CACNA1C: variants seen among roughly 807,000 people sequenced by gnomAD.
The protein encoded by CACNA1C is calcium voltage-gated channel subunit alpha1 C.
CACNA1C carries 30 observed loss-of-function variants against 229.0 expected under a neutral mutation model. The observed-to-expected ratio is 0.13, with a 90% CI of 0.10 to 0.18. The LOEUF is 0.18. Among genes scored for constraint, CACNA1C ranks in the 10% least tolerant of loss-of-function variants. The pLI is 1.00. For missense variants in CACNA1C, 1,658 were observed against 2,845.0 expected, an observed-to-expected ratio of 0.58 and a Z score of 9.49; for synonymous variants, 1,114 against 1,132.5, an observed-to-expected ratio of 0.98 and a Z score of 0.33.
intron 1 of CACNA1C, among the ~76,000 whole-genome samples, chr12:2,057,533 C>T (rs2055589760): frequency 6.6e-6 from 1 of 152,080 alleles, no homozygotes; most frequent in Non-Finnish European, 1.5e-5. Context: ...CACAGGTAAC[C>T]CAAAAGACCA....
intron 1 of CACNA1C, among the ~76,000 whole-genome samples, chr12:1,978,318 G>C (rs1453821471): frequency 1.3e-5 from 2 of 152,104 alleles, no homozygotes; most frequent in Non-Finnish European, 2.9e-5. Context: ...ATGTGTTTTA[G>C]AACAAGGACT....
intron 3 of CACNA1C, among the ~76,000 whole-genome samples, chr12:2,194,042 G>T (rs926505534): frequency 6.6e-6 from 1 of 152,114 alleles, no homozygotes; most frequent in Admixed American, 6.5e-5. Context: ...ACCCCAGGCA[G>T]TAAGAGGCTT....
In CACNA1C at chr12:2,651,191, G is replaced by T. The variant is rs530091800; in HGVS notation, c.3946-449G>T. The T allele has an allele frequency of 5.8e-6, 1 of 172,126 alleles. No homozygotes were observed. The highest frequency in any genetic ancestry group is 1.2e-5 in the Non-Finnish European group (1 of 81,708). 10.7% of individuals were successfully genotyped at this position (172,126 alleles called of 1,614,324 possible). ...CCACCAACCCACATCCTCGGAGAGT[G>T]CTGGGCTCCACTTAGGACACAGGAC... On this transcript the variant is annotated intron_variant, in intron 31 of 46. Transcript: ENST00000399655. This position sits in a 1 kb window ranked among gnomAD's most constrained non-coding sequence, Gnocchi z 5.4.
intron 5 of CACNA1C, 109 bp downstream of exon 5, chr12:2,457,815 G>A (rs954515078): frequency 2.9e-6 from 3 of 1,033,806 alleles, no homozygotes; most frequent in Non-Finnish European, 3.9e-6. Context: ...CATATAAATG[G>A]AGGGGTTTTT....
chr12:2,582,805 G>A lies in CACNA1C; in HGVS notation c.2104-17G>A. 1 of 1,613,258 alleles carries A rather than the reference G, an allele frequency of 6.2e-7. No homozygotes were observed. The highest frequency in any genetic ancestry group is 8.5e-7 in the Non-Finnish European group (1 of 1,179,586). ...GTCTAACGCTGTGTCCCTTATTGGT[G>A]GGAATGTGTCATTCAGATCCTGACC... On this transcript the variant is annotated splice_polypyrimidine_tract_variant and intron_variant, in intron 14 of 46. Transcript: ENST00000399655.
At chr12:2,284,055 C>T (rs887669523) in intron 3 of CACNA1C, among the ~76,000 whole-genome samples, 5 of 152,160 alleles carry the variant, frequency 3.3e-5, no homozygotes, top group Non-Finnish European at 2.9e-5. Context: ...CCAAGCACGT[C>T]TTTCAACAAC....
chr12:2,278,180 T>C (rs535233708), intron 3 of CACNA1C, among the ~76,000 whole-genome samples: 2 of 152,386 alleles, frequency 1.3e-5, no homozygotes, highest in African/African-American at 4.8e-5. Context: ...TTTTTAAAGA[T>C]GTTTTAATGG....
chr12:2,367,297 TGCTCACCTGTA>T (rs2097751764), intron 3 of CACNA1C, among the ~76,000 whole-genome samples: 3 of 152,206 alleles, frequency 2.0e-5, no homozygotes, highest in Non-Finnish European at 4.4e-5. Context: ...GAGTCATGCT[TGCTCACCTGTA>T]GCTCACCTGC....
At chr12:2,350,550 G>A (rs2097175286) in intron 3 of CACNA1C, among the ~76,000 whole-genome samples, 1 of 152,196 alleles carries the variant, frequency 6.6e-6, no homozygotes, top group Admixed American at 6.5e-5. Context: ...GCCTGAATGT[G>A]TCCACAATGA....
At chr12:2,218,702 G>A (rs1236820661) in intron 3 of CACNA1C, among the ~76,000 whole-genome samples, 1 of 152,172 alleles carries the variant, frequency 6.6e-6, no homozygotes, top group Non-Finnish European at 1.5e-5. Context: ...TGATGTCCGG[G>A]CTACTGTAAT....
chr12:2,326,827 C>T (rs2096319128), intron 3 of CACNA1C, among the ~76,000 whole-genome samples: 1 of 152,218 alleles, frequency 6.6e-6, no homozygotes, highest in Admixed American at 6.5e-5. Context: ...CTGGAAGGTA[C>T]CTGAGAGACG....
intron 34 of CACNA1C, among the ~76,000 whole-genome samples, chr12:2,656,686 CAA>C (rs1398465927): frequency 6.6e-6 from 1 of 152,180 alleles, no homozygotes; most frequent in Non-Finnish European, 1.5e-5. Flanking sequence ...AAATCTGTTA[CAA>C]AGCTACAGTA....
chr12:2,070,691 T>C (rs1220619178), intron 1 of CACNA1C, among the ~76,000 whole-genome samples: 1 of 152,186 alleles, frequency 6.6e-6, no homozygotes, highest in African/African-American at 2.4e-5. Context: ...GATATATTAG[T>C]GTTACGCAGT....
chr12:2,535,495 T>TC (rs902786503), intron 9 of CACNA1C, among the ~76,000 whole-genome samples: 13 of 150,730 alleles, frequency 8.6e-5, no homozygotes, highest in Non-Finnish European at 2.9e-5. Flanking sequence ...TCCCAGGACT[T>TC]CAAGACCAGT....
chr12:2,248,638 G>A (rs571672372), intron 3 of CACNA1C, among the ~76,000 whole-genome samples: 1 of 152,334 alleles, frequency 6.6e-6, no homozygotes, highest in East Asian at 1.9e-4. Flanking sequence ...AGTGCATCAC[G>A]CTCCCGTGTT....
chr12:2,604,756 A>G (rs892028517), intron 22 of CACNA1C, among the ~76,000 whole-genome samples: 4 of 152,326 alleles, frequency 2.6e-5, no homozygotes, highest in African/African-American at 2.4e-5. Flanking sequence ...CTGAATTCCC[A>G]TGGCCTTGCT....
chr12:2,393,078 C>T (rs2098514318), intron 3 of CACNA1C, among the ~76,000 whole-genome samples: 1 of 152,200 alleles, frequency 6.6e-6, no homozygotes, highest in African/African-American at 2.4e-5. Flanking sequence ...ACCCTGGGAG[C>T]TGCTCCGGAG....
chr12:2,225,702 T>C lies in CACNA1C; in HGVS notation c.477+105272T>C, dbSNP rs575085230. Among the ~76,000 whole-genome samples the C allele has an allele frequency of 6.6e-5, 10 of 152,304 alleles. No homozygotes were observed. The South Asian group carries it at 1.7e-3, about 25-fold the overall frequency. On this transcript the variant is annotated intron_variant, in intron 3 of 46. Coordinates refer to ENST00000399655, the MANE Select transcript of CACNA1C (RefSeq NM_000719.7). Reference sequence around the variant, plus strand: ...TCAGACATTAAGGCTTAAGACCCTGTTAAGGGGAAAGGTCTATGCTTTAGA... The same window carrying C: ...TCAGACATTAAGGCTTAAGACCCTGCTAAGGGGAAAGGTCTATGCTTTAGA...
intron 3 of CACNA1C, among the ~76,000 whole-genome samples, chr12:2,336,612 C>T (rs1272422488): frequency 2.6e-5 from 4 of 152,158 alleles, no homozygotes; most frequent in Non-Finnish European, 4.4e-5. Context: ...TGAAAACAAC[C>T]GTTTAAATAG....
Sources: allele counts gnomAD v4.1 joint callset (sites outside exome capture counted in the v4.1 genomes callset), GRCh38; gene constraint gnomAD v4.1.1; non-coding constraint Gnocchi (gnomAD v3.1); transcripts MANE v1.5; gene names NCBI Gene and HGNC (gene_info 2026-07-23, HGNC 2026-07-21).